Variants in PVT1 observed in about 807,000 individuals in gnomAD.
The protein encoded by PVT1 is CXCR4/PVT1 fusion.
intron 3 of PVT1, among the ~76,000 whole-genome samples, chr8:127,911,811 C>T (rs1815901748): frequency 6.6e-6 from 1 of 152,210 alleles, no homozygotes; most frequent in African/African-American, 2.4e-5. Context: ...TAGGGGTCCG[C>T]ACTATGGGTG....
intron 4 of PVT1, among the ~76,000 whole-genome samples, chr8:128,052,827 A>C (rs189839261): frequency 2.5e-4 from 38 of 152,392 alleles, no homozygotes; most frequent in Admixed American, 6.5e-4. Flanking sequence ...CAACTGAGAT[A>C]TACTGTCACT....
At chr8:127,978,887 C>G (rs1816853074) in intron 3 of PVT1, among the ~76,000 whole-genome samples, 1 of 152,074 alleles carries the variant, frequency 6.6e-6, no homozygotes, top group Non-Finnish European at 1.5e-5. Context: ...AACTCCTAGA[C>G]TTAAGCTGCC....
intron 2 of PVT1, among the ~76,000 whole-genome samples, chr8:127,829,283 A>G (rs75907079): frequency 1.3e-4 from 19 of 151,422 alleles, no homozygotes; most frequent in African/African-American, 3.4e-4. Flanking sequence ...ATCTCAGGGG[A>G]AAAAAAATGC....
At chr8:127,923,065 G>A (rs983051250) in intron 3 of PVT1, among the ~76,000 whole-genome samples, 48 of 152,252 alleles carry the variant, frequency 3.2e-4, no homozygotes, top group African/African-American at 1.2e-3. Flanking sequence ...ATTTTATTAG[G>A]TATCTTATTT....
chr8:127,905,674 T>G (rs1354163341), intron 3 of PVT1, among the ~76,000 whole-genome samples: 1 of 152,230 alleles, frequency 6.6e-6, no homozygotes, highest in African/African-American at 2.4e-5. Context: ...TCTGTCATTT[T>G]ACATGACTTT....
At chr8:127,857,008 T>C (rs1027590413) in intron 2 of PVT1, among the ~76,000 whole-genome samples, 1 of 151,920 alleles carries the variant, frequency 6.6e-6, no homozygotes, top group African/African-American at 2.4e-5. Flanking sequence ...GGTGGATTGC[T>C]TGAGGTCAGA....
intron 3 of PVT1, among the ~76,000 whole-genome samples, chr8:127,908,489 G>A (rs1815851243): frequency 6.6e-6 from 1 of 151,780 alleles, no homozygotes. Flanking sequence ...TTACAGGGTT[G>A]TGCCACCACG....
chr8:127,899,887 G>C (rs996816297), intron 3 of PVT1, among the ~76,000 whole-genome samples: 1 of 152,146 alleles, frequency 6.6e-6, no homozygotes, highest in African/African-American at 2.4e-5. Flanking sequence ...TCTCTGTATA[G>C]TGTGAATATC....
At chr8:127,880,888 T>C (rs112091962) in intron 2 of PVT1, among the ~76,000 whole-genome samples, 1,781 of 152,282 alleles carry the variant, frequency 0.012, 40 homozygotes, top group African/African-American at 0.041. Flanking sequence ...CGTGAGCCAC[T>C]GCGCTCAGCT....
At chr8:128,029,254 C>T (rs995407645) in intron 4 of PVT1, among the ~76,000 whole-genome samples, 5 of 151,782 alleles carry the variant, frequency 3.3e-5, no homozygotes, top group Non-Finnish European at 5.9e-5. Context: ...TTCCAAGTAG[C>T]TGGGACCACA....
At chr8:128,005,902 G>A (rs527627087) in intron 4 of PVT1, among the ~76,000 whole-genome samples, 16 of 152,096 alleles carry the variant, frequency 1.1e-4, no homozygotes, top group African/African-American at 3.6e-4. Flanking sequence ...TCAGGAGTTC[G>A]AGGCCAAGCA....
At chr8:127,877,435 C>T (rs1397743477) in intron 2 of PVT1, among the ~76,000 whole-genome samples, 1 of 152,142 alleles carries the variant, frequency 6.6e-6, no homozygotes, top group Non-Finnish European at 1.5e-5. Context: ...TTTCATCCTC[C>T]TTATTTTGAC....
intron 2 of PVT1, among the ~76,000 whole-genome samples, chr8:127,826,994 C>CTTTTTTTTTTTTTTTTTTT (rs5894901): frequency 2.6e-5 from 3 of 113,958 alleles, no homozygotes; most frequent in African/African-American, 7.0e-5. Context: ...TTCTTTTTCT[C>CTTTTTTTTTTTTTTTTTTT]TTTTTTTTTT....
intron 3 of PVT1, among the ~76,000 whole-genome samples, chr8:127,949,082 G>A (rs1816462693): frequency 6.6e-6 from 1 of 152,182 alleles, no homozygotes; most frequent in Non-Finnish European, 1.5e-5. Context: ...TGGCTGGGGA[G>A]GGGAGATACT....
chr8:127,870,194 A>G (rs1005995103), intron 2 of PVT1, among the ~76,000 whole-genome samples: 5 of 152,198 alleles, frequency 3.3e-5, no homozygotes, highest in Non-Finnish European at 7.3e-5. Context: ...TCCTCAGAGG[A>G]GAAGAGAGGG....
intron 2 of PVT1, among the ~76,000 whole-genome samples, chr8:127,885,379 C>T (rs1815511686): frequency 6.6e-6 from 1 of 152,148 alleles, no homozygotes; most frequent in African/African-American, 2.4e-5. Context: ...AGACTGGTAG[C>T]TTGTAAACAA....
Position 127,980,938 on chromosome 8 carries a change from G to A in PVT1, n.783-8224G>A, listed in dbSNP as rs190337791. On this transcript the variant is annotated intron_variant and non_coding_transcript_variant, in intron 3 of 10. Transcript: ENST00000651587. Reference sequence around the variant, plus strand: ...CAGCCTCTTGAGTAGGTGGGATTACGGGCATCCACCACAACACCCAGCTAA... The same window carrying A: ...CAGCCTCTTGAGTAGGTGGGATTACAGGCATCCACCACAACACCCAGCTAA... Among the ~76,000 whole-genome samples the A allele has an allele frequency of 9.0e-3, 1,363 of 151,754 alleles. 19 individuals are homozygous for A. The highest frequency in any genetic ancestry group is 0.011 in the Non-Finnish European group (747 of 67,906).
intron 3 of PVT1, among the ~76,000 whole-genome samples, chr8:127,909,435 G>A (rs745932109): frequency 1.3e-5 from 2 of 152,216 alleles, no homozygotes; most frequent in African/African-American, 2.4e-5. Context: ...TGCCTTACCA[G>A]CCTGTGATTC....
chr8:127,834,270 A>G (rs1218797802), intron 2 of PVT1, among the ~76,000 whole-genome samples: 1 of 152,146 alleles, frequency 6.6e-6, no homozygotes, highest in Non-Finnish European at 1.5e-5. Flanking sequence ...AATACCACAC[A>G]TCTACAACCA....
Sources: gnomAD v4.1 joint callset for allele counts (sites outside exome capture counted in the v4.1 genomes callset) on GRCh38, gnomAD v4.1.1 for gene constraint, MANE v1.5 for transcripts, NCBI Gene and HGNC (gene_info 2026-07-23, HGNC 2026-07-21) for gene names.